The following DNHD1 variants were observed in gnomAD, a reference collection of about 807,000 sequenced individuals.
The protein encoded by DNHD1 is dynein heavy chain domain-containing protein 1.
DNHD1 carries 383 observed loss-of-function variants against 458.1 expected under a neutral mutation model. That is an observed-to-expected ratio of 0.84 (90% confidence interval 0.77 to 0.91). DNHD1 has a LOEUF of 0.91. DNHD1 is among the 40% of genes least tolerant of loss of function. The pLI, the probability that DNHD1 is intolerant of heterozygous loss-of-function variation, is 0.00. For synonymous variants in DNHD1, 2,203 were observed against 2,376.9 expected (o/e 0.93, Z 2.13); for missense variants, 5,336 against 5,866.1 (o/e 0.91, Z 2.95).
At chr11:6,518,273 G>C (rs925783432) in intron 7 of DNHD1, among the ~76,000 whole-genome samples, 1 of 152,114 alleles carries the variant, frequency 6.6e-6, no homozygotes, top group African/African-American at 2.4e-5. Context: ...TGTTGCCCAG[G>C]CTGGTCTCAA....
intron 10 of DNHD1, among the ~76,000 whole-genome samples, chr11:6,521,822 T>C (rs1852610871): frequency 6.6e-6 from 1 of 152,190 alleles, no homozygotes; most frequent in Non-Finnish European, 1.5e-5. Flanking sequence ...GCTCAAGTGA[T>C]CTTTTCGCCT....
chr11:6,517,445 A>G (rs1852499316), intron 7 of DNHD1, among the ~76,000 whole-genome samples: 1 of 152,214 alleles, frequency 6.6e-6, no homozygotes, highest in South Asian at 2.1e-4. Flanking sequence ...TATTCACAAT[A>G]GCCAAGATAT....
chr11:6,508,611 G>A (rs145762319), intron 4 of DNHD1: 53 of 427,216 alleles, frequency 1.2e-4, no homozygotes, highest in African/African-American at 9.4e-4. Flanking sequence ...CTGATGGGAT[G>A]TAAGATATCT....
At chr11:6,511,830 C>A (rs1852339603) in intron 7 of DNHD1, among the ~76,000 whole-genome samples, 1 of 152,188 alleles carries the variant, frequency 6.6e-6, no homozygotes. Flanking sequence ...TGGAAGGATG[C>A]AATGATGGAG....
At chr11:6,559,565 A>G (rs1853543497) in intron 28 of DNHD1, among the ~76,000 whole-genome samples, 1 of 152,210 alleles carries the variant, frequency 6.6e-6, no homozygotes, top group Non-Finnish European at 1.5e-5. Context: ...GTATGCTGCC[A>G]AGATCTCTGT....
At chr11:6,513,485 C>G (rs1852387755) in intron 7 of DNHD1, among the ~76,000 whole-genome samples, 1 of 152,134 alleles carries the variant, frequency 6.6e-6, no homozygotes, top group Non-Finnish European at 1.5e-5. Flanking sequence ...CTTTGCCTGA[C>G]TTTTTTCACT....
Position 6,498,916 on chromosome 11 carries a change from A to T in DNHD1, c.701A>T (p.Asp234Val), listed in dbSNP as rs749817858. 1.2e-6 allele frequency: 2 copies of T among 1,613,502 alleles called. No homozygotes were observed. The highest frequency in any genetic ancestry group is 3.3e-5 in the Admixed American group (2 of 59,944). ...ATCCCTGTACGGTATGAAAGCAGTG[A>T]CACTGACAATGCAGAGGTGGAGCCT... ...ADIPVRYESS[D>V]TDNAEVEPVG... The change falls in exon 3 of 43, where the codon GAC becomes GTC. Residue 234 changes from aspartate (D) to valine (V), a missense_variant. Asp to Val is a radical substitution (Grantham distance 152, BLOSUM62 -3). Around this residue, in one of 4 missense-constraint regions of DNHD1, gnomAD observed 3,932 missense variants for 4,365.6 expected, o/e 0.90. Coordinates refer to ENST00000254579, the MANE Select transcript of DNHD1 (RefSeq NM_144666.3).
At chr11:6,536,608 G>A (rs1028901105) in intron 14 of DNHD1, among the ~76,000 whole-genome samples, 2 of 152,124 alleles carry the variant, frequency 1.3e-5, no homozygotes, top group African/African-American at 4.8e-5. Flanking sequence ...ACCTATGGAA[G>A]ATAGAAGGTA....
In DNHD1 at chr11:6,545,943, G is replaced by A. The variant is rs962815724; in HGVS notation, c.5004G>A (p.Arg1668=). ...CTCTACCCAGCCTACTGCCTGAACG[G>A]CCAGCCCTGGTACTATTATTGGCCC... The part of the protein sequence containing the change: ...LGPLPSLLPE[R]PALVLLLALE... Residue 1668 remains arginine, a synonymous_variant, in exon 21 of 43, where the codon CGG becomes CGA. Coordinates refer to ENST00000254579, the MANE Select transcript of DNHD1 (RefSeq NM_144666.3). The surrounding 1 kb of genome is among the most constrained non-coding windows in gnomAD (Gnocchi z 4.9). 1 of 1,551,674 alleles carries A rather than the reference G, an allele frequency of 6.4e-7. No homozygotes were observed. The highest frequency in any genetic ancestry group is 8.7e-7 in the Non-Finnish European group (1 of 1,147,012).
At chr11:6,554,554 A>G (rs1853422660) in intron 24 of DNHD1, among the ~76,000 whole-genome samples, 1 of 152,222 alleles carries the variant, frequency 6.6e-6, no homozygotes, top group South Asian at 2.1e-4. Context: ...AAAGGACTTG[A>G]ACCTAGAATA....
At chr11:6,566,058 T>A in intron 33 of DNHD1, 67 bp downstream of exon 33, 1 of 1,375,154 alleles carries the variant, frequency 7.3e-7, no homozygotes, top group Non-Finnish European at 9.7e-7. Context: ...CCCACAGGCC[T>A]CCCACACCTC....
At chr11:6,554,125 T>C (rs2134441438) in intron 24 of DNHD1, among the ~76,000 whole-genome samples, 1 of 152,316 alleles carries the variant, frequency 6.6e-6, no homozygotes, top group South Asian at 2.1e-4. Flanking sequence ...GTGGTATTGG[T>C]ATAAGGATAT....
chr11:6,547,144 G>A lies in DNHD1; in HGVS notation c.6205G>A (p.Gly2069Ser). 1.3e-6 allele frequency: 2 copies of A among 1,551,710 alleles called. No homozygotes were observed. Among genetic ancestry groups the A allele is most frequent in the Non-Finnish European group, 1.7e-6 (2 of 1,146,988 alleles). Residue 2069 changes from glycine (G) to serine (S), a missense_variant, in exon 21 of 43, where the codon GGC becomes AGC. Physicochemically the swap from Gly to Ser is moderately conservative, Grantham distance 56. This residue lies in a region of DNHD1 where 3,932 missense variants were observed against 4,365.6 expected (regional missense o/e 0.90). Transcript: ENST00000254579. ...LRAAGQCNNM[G>S]QKRQTEESIG... ...TGCAGCCGGTCAGTGTAACAACATG[G>A]GCCAAAAGAGGCAGACAGAGGAATC...
chr11:6,535,432 G>C (rs987280954), intron 14 of DNHD1, among the ~76,000 whole-genome samples: 2 of 152,216 alleles, frequency 1.3e-5, no homozygotes, highest in African/African-American at 4.8e-5. Flanking sequence ...AAAGGAACCA[G>C]AGCTCCTTAG....
chr11:6,527,021 T>G (rs1852723474), intron 10 of DNHD1, among the ~76,000 whole-genome samples: 1 of 152,370 alleles, frequency 6.6e-6, no homozygotes, highest in East Asian at 1.9e-4. Flanking sequence ...TGACCCCACC[T>G]ACTTGTATTT....
intron 6 of DNHD1, among the ~76,000 whole-genome samples, chr11:6,510,487 G>C (rs1482984587): frequency 6.6e-6 from 1 of 152,126 alleles, no homozygotes; most frequent in East Asian, 1.9e-4. Context: ...TCTGCTCTAG[G>C]GAGTTTCATC....
At chr11:6,543,680 C>A (rs1418450170) in intron 18 of DNHD1, among the ~76,000 whole-genome samples, 1 of 152,132 alleles carries the variant, frequency 6.6e-6, no homozygotes, top group Non-Finnish European at 1.5e-5. Context: ...GAAAGGGCAG[C>A]TGGGCATGGT....
intron 4 of DNHD1, among the ~76,000 whole-genome samples, chr11:6,504,914 T>G (rs1329477230): frequency 1.3e-5 from 2 of 152,168 alleles, no homozygotes; most frequent in Admixed American, 6.5e-5. Flanking sequence ...TGCTGTAGCC[T>G]CCACCTTCTG....
intron 24 of DNHD1, 61 bp from the exon 25 acceptor site, chr11:6,556,622 C>A: frequency 7.0e-7 from 1 of 1,434,380 alleles, no homozygotes; most frequent in Non-Finnish European, 9.3e-7. Flanking sequence ...ATAGAGGGAA[C>A]AGGTTGATAC....
Sources: allele counts gnomAD v4.1 joint callset (sites outside exome capture counted in the v4.1 genomes callset), GRCh38; gene constraint gnomAD v4.1.1; regional missense constraint gnomAD v4.1.1; non-coding constraint Gnocchi (gnomAD v3.1); transcripts MANE v1.5; gene names NCBI Gene and HGNC (gene_info 2026-07-23, HGNC 2026-07-21).